Variants in CCKBR observed in about 807,000 individuals in gnomAD.
CCKBR encodes the protein gastrin/cholecystokinin type B receptor.
A neutral mutation model predicts 34.6 loss-of-function variants in CCKBR; 33 were observed. The observed-to-expected ratio is 0.95, with a 90% CI of 0.72 to 1.27. CCKBR has a LOEUF of 1.27. CCKBR is among the 50% of genes most tolerant of loss of function. The pLI is 0.00. For synonymous variants in CCKBR, 269 were observed against 267.5 expected (o/e 1.01, Z -0.06); for missense variants, 652 against 617.4 (o/e 1.06, Z -0.59).
rs1166975307 is a variant in CCKBR at position 6,271,291 on chromosome 11, C to G, written c.1092C>G (p.His364Gln). 5.6e-6 allele frequency: 9 copies of G among 1,614,210 alleles called. No homozygotes were observed. Among genetic ancestry groups the G allele is most frequent in the Non-Finnish European group, 6.8e-6 (8 of 1,180,030 alleles). ...GCGCCTTTGATGGCCCGGGTGCACA[C>G]CGAGCACTCTCGGGTGCTCCTATCT... ...TWRAFDGPGA[H>Q]RALSGAPISF... Residue 364 changes from histidine to glutamine, a missense_variant, in exon 5 of 5, where the codon CAC (histidine) becomes CAG (glutamine). His to Gln is a conservative substitution (Grantham distance 24, BLOSUM62 0). Coordinates refer to ENST00000334619, the MANE Select transcript of CCKBR (RefSeq NM_176875.4).
At chr11:6,268,091 G>T (rs1326492820) in intron 1 of CCKBR, among the ~76,000 whole-genome samples, 2 of 152,148 alleles carry the variant, frequency 1.3e-5, no homozygotes, top group Non-Finnish European at 2.9e-5. Flanking sequence ...TGATCCTCCC[G>T]CCTTGGCCTC....
At chr11:6,270,062 T>C (rs1294373443) in intron 2 of CCKBR, 26 bp from the exon 3 acceptor site, 52 of 1,591,132 alleles carry the variant, frequency 3.3e-5, no homozygotes, top group Non-Finnish European at 3.9e-5. Flanking sequence ...CCTAGGTGAC[T>C]CCTTCCTTTC....
At chr11:6,262,722 G>GAGAA (rs1554919169) in intron 1 of CCKBR, among the ~76,000 whole-genome samples, 9,081 of 118,848 alleles carry the variant, frequency 0.076, 482 homozygotes, top group East Asian at 0.14. Flanking sequence ...GAGAGAGAGA[G>GAGAA]AGAAAGAAAA....
At chr11:6,266,350 G>A (rs10839533) in intron 1 of CCKBR, among the ~76,000 whole-genome samples, 68,951 of 151,802 alleles carry the variant, frequency 0.45, 17,835 homozygotes, top group East Asian at 0.75. Flanking sequence ...TTAGCCGGGC[G>A]TGGTGGTGCA....
Position 6,269,649 on chromosome 11 carries a change from C to A in CCKBR, c.152-20C>A. 6.2e-7 allele frequency: 1 copy of A among 1,608,898 alleles called. No homozygotes were observed. Among genetic ancestry groups the A allele is most frequent in the Non-Finnish European group, 8.5e-7 (1 of 1,178,600 alleles). On this transcript the variant is annotated intron_variant, in intron 1 of 4. Transcript: ENST00000334619. ...ATGAAGGCTGACCCCCTACTGCCAC[C>A]TCTCCCTTTTCTTACCCAGAATTGG...
At chr11:6,270,564 AG>A in intron 3 of CCKBR, 81 bp from the exon 4 acceptor site, 2 of 1,485,812 alleles carry the variant, frequency 1.3e-6, no homozygotes, top group Non-Finnish European at 9.1e-7. Context: ...CCACAGCCCT[AG>A]AAACACTAGT....
At chr11:6,267,546 C>T (rs761331418) in intron 1 of CCKBR, among the ~76,000 whole-genome samples, 16 of 152,142 alleles carry the variant, frequency 1.1e-4, no homozygotes, top group Admixed American at 2.6e-4. Context: ...TCTTAAAGGA[C>T]CTGCCTGAGT....
chr11:6,268,175 A>G (rs144978676), intron 1 of CCKBR, among the ~76,000 whole-genome samples: 12 of 152,320 alleles, frequency 7.9e-5, no homozygotes, highest in Non-Finnish European at 1.3e-4. Flanking sequence ...CCACCATCGT[A>G]TATGAAATTG....
chr11:6,269,742 C>G lies in CCKBR; in HGVS notation c.225C>G (p.Ile75Met). Residue 75 changes from isoleucine (I) to methionine (M), a missense_variant, in exon 2 of 5, where the codon ATC (isoleucine) becomes ATG (methionine). By Grantham distance (10) the Ile-to-Met change is conservative. Transcript: ENST00000334619. The part of the protein sequence containing the change: ...FLMSVGGNML[I>M]IVVLGLSRRL... ...TGAGCGTTGGAGGAAATATGCTCAT[C>G]ATCGTGGTCCTGGGACTGAGCCGCC... is the stretch of plus-strand genomic sequence containing the variant. The G allele has an allele frequency of 6.2e-7, 1 of 1,614,138 alleles. No individual in the cohort carries two copies.
Position 6,271,099 on chromosome 11 carries a change from C to T in CCKBR, c.900C>T (p.Ser300=), listed in dbSNP as rs1192881283. ...GCTGCTACGTGCAACTTCCACGTTCCCGGCCTGCCCTGGAGCTGACGGCGC... is the reference window on the plus strand; with the variant it reads ...GCTGCTACGTGCAACTTCCACGTTCTCGGCCTGCCCTGGAGCTGACGGCGC... The part of the protein sequence containing the change: ...SDGCYVQLPR[S]RPALELTALT... The change falls in exon 5 of 5, where the codon TCC becomes TCT. Residue 300 remains serine, a synonymous_variant. Coordinates refer to ENST00000334619, the MANE Select transcript of CCKBR (RefSeq NM_176875.4). 4 of 1,613,994 alleles carry T rather than the reference C, an allele frequency of 2.5e-6. No individual in the cohort carries two copies. Among genetic ancestry groups the T allele is most frequent in the Non-Finnish European group, 3.4e-6 (4 of 1,180,012 alleles).
At chr11:6,264,723 AT>A in intron 1 of CCKBR, 1 of 421,200 alleles carries the variant, frequency 2.4e-6, no homozygotes, top group Non-Finnish European at 3.9e-6. Flanking sequence ...ACACACATCA[AT>A]ACACACACAC....
intron 1 of CCKBR, among the ~76,000 whole-genome samples, chr11:6,269,068 G>A (rs151125264): frequency 1.3e-5 from 2 of 151,972 alleles, no homozygotes; most frequent in African/African-American, 2.4e-5. Context: ...GTACAGGGAG[G>A]GGGTGGGAGA....
chr11:6,267,095 A>G (rs1220809333), intron 1 of CCKBR, among the ~76,000 whole-genome samples: 2 of 152,230 alleles, frequency 1.3e-5, no homozygotes, highest in African/African-American at 4.8e-5. Flanking sequence ...TGGCTAAGTC[A>G]GTGATGAGTG....
intron 1 of CCKBR, among the ~76,000 whole-genome samples, chr11:6,262,936 C>T (rs1848158742): frequency 6.6e-6 from 1 of 152,140 alleles, no homozygotes; most frequent in African/African-American, 2.4e-5. Context: ...CCTGTGAAAG[C>T]GGGATGTGAC....
At chr11:6,260,156 G>C in intron 1 of CCKBR, 77 bp downstream of exon 1, 1 of 1,092,418 alleles carries the variant, frequency 9.2e-7, no homozygotes, top group Non-Finnish European at 1.3e-6. Context: ...CCCCCAACGA[G>C]CTCCACACTA....
At chr11:6,267,567 G>A (rs1848227702) in intron 1 of CCKBR, among the ~76,000 whole-genome samples, 1 of 152,060 alleles carries the variant, frequency 6.6e-6, no homozygotes. Context: ...CTGTTTTATA[G>A]TTAACTTTTT....
rs199498277 is a variant in CCKBR at position 6,271,408 on chromosome 11, A to G, written c.1209A>G (p.Glu403=). Residue 403 remains glutamate (E), a synonymous_variant, in exon 5 of 5, where the codon GAA becomes GAG. Transcript: ENST00000334619. ...GTCGCTTTCGCCAGGCCTGCCTGGA[A>G]ACTTGCGCTCGCTGCTGCCCCCGGC... is the stretch of plus-strand genomic sequence containing the variant. ...MHRRFRQACL[E]TCARCCPRPP... is the part of the protein sequence containing the mutation. 1.3e-5 allele frequency: 21 copies of G among 1,613,788 alleles called. No homozygotes were observed. Among genetic ancestry groups the G allele is most frequent in the Non-Finnish European group, 1.8e-5 (21 of 1,180,024 alleles).
At chr11:6,261,434 C>CAAAAAAAAAAA (rs71056733) in intron 1 of CCKBR, among the ~76,000 whole-genome samples, 7 of 14,452 alleles carry the variant, frequency 4.8e-4, no homozygotes, top group Non-Finnish European at 7.7e-4. Flanking sequence ...TTCCTGTTGG[C>CAAAAAAAAAAA]AAAAAAAAAA....
chr11:6,265,015 T>C (rs1046287207), intron 1 of CCKBR, among the ~76,000 whole-genome samples: 13 of 152,232 alleles, frequency 8.5e-5, no homozygotes, highest in African/African-American at 2.9e-4. Context: ...TTTTGACAAA[T>C]GTATAATGGC....
Sources: allele counts gnomAD v4.1 joint callset (sites outside exome capture counted in the v4.1 genomes callset), GRCh38; gene constraint gnomAD v4.1.1; transcripts MANE v1.5; gene names NCBI Gene and HGNC (gene_info 2026-07-23, HGNC 2026-07-21).